The following NCALD variants were observed in gnomAD, a reference collection of about 807,000 sequenced individuals.
NCALD encodes the protein neurocalcin delta.
In NCALD, 10 loss-of-function variants were observed where a neutral mutation model predicts 18.6. The ratio of observed to expected loss-of-function variants is 0.54; its 90% CI spans 0.33 to 0.91. NCALD has a LOEUF of 0.91. Among genes scored for constraint, NCALD ranks in the 40% least tolerant of loss-of-function variants. The probability of loss-of-function intolerance (pLI) is 0.03; values close to 1 mark genes in which losing one functional copy is unlikely to be tolerated. For synonymous variants in NCALD, 88 were observed against 87.4 expected (o/e 1.01, Z -0.04); for missense variants, 184 against 247.6 (o/e 0.74, Z 1.72).
At chr8:101,906,480 T>C (rs1817615931) in intron 3 of NCALD, among the ~76,000 whole-genome samples, 1 of 152,202 alleles carries the variant, frequency 6.6e-6, no homozygotes, top group Non-Finnish European at 1.5e-5. Context: ...GAAACGGCCA[T>C]GGTTGACACA....
At chr8:101,758,980 T>C (rs1416010967) in intron 1 of NCALD, among the ~76,000 whole-genome samples, 1 of 152,182 alleles carries the variant, frequency 6.6e-6, no homozygotes, top group Non-Finnish European at 1.5e-5. Context: ...ATAATAAGGA[T>C]GCTGAATCTC....
chr8:102,117,877 C>T (rs765196200), intron 1 of NCALD, among the ~76,000 whole-genome samples: 10 of 152,156 alleles, frequency 6.6e-5, no homozygotes, highest in Non-Finnish European at 8.8e-5. Context: ...TTGGGGAAAA[C>T]GTAACCTTCC....
intron 1 of NCALD, among the ~76,000 whole-genome samples, chr8:101,783,749 G>A (rs1029711565): frequency 4.6e-5 from 7 of 152,202 alleles, no homozygotes; most frequent in Non-Finnish European, 7.3e-5. Flanking sequence ...TCTTGCTAAG[G>A]CATGCAGTCT....
intron 2 of NCALD, among the ~76,000 whole-genome samples, chr8:101,977,041 G>GA (rs1820449193): frequency 6.6e-6 from 1 of 152,038 alleles, no homozygotes. Flanking sequence ...GATCTTTTCT[G>GA]AATCTTCTCC....
At chr8:101,817,770 G>C (rs893384162) in intron 4 of NCALD, among the ~76,000 whole-genome samples, 2 of 152,120 alleles carry the variant, frequency 1.3e-5, no homozygotes, top group Non-Finnish European at 2.9e-5. Flanking sequence ...CGTGAATGCA[G>C]CATTCTGAGG....
At chr8:101,907,348 C>T (rs1341996495) in intron 3 of NCALD, among the ~76,000 whole-genome samples, 2 of 152,088 alleles carry the variant, frequency 1.3e-5, no homozygotes, top group African/African-American at 4.8e-5. Context: ...TAGATCCACC[C>T]TATAAGCAGG....
chr8:101,978,129 T>A (rs751075395), intron 2 of NCALD, among the ~76,000 whole-genome samples: 4 of 151,480 alleles, frequency 2.6e-5, no homozygotes, highest in Non-Finnish European at 5.9e-5. Flanking sequence ...GAAGTGCATA[T>A]GCCTGCTTGT....
chr8:101,847,113 C>T (rs2131314634), intron 4 of NCALD: 1 of 152,488 alleles, frequency 6.6e-6, no homozygotes, highest in South Asian at 2.0e-4. Context: ...AATGTAAGTA[C>T]ATGTCACCAA....
chr8:102,098,766 A>T (rs1204370302), intron 1 of NCALD, among the ~76,000 whole-genome samples: 1 of 151,966 alleles, frequency 6.6e-6, no homozygotes, highest in African/African-American at 2.4e-5. Flanking sequence ...CCTCCCAAAC[A>T]CTTGGAATTT....
At chr8:101,858,347 T>A (rs575935586) in intron 4 of NCALD, among the ~76,000 whole-genome samples, 2 of 152,210 alleles carry the variant, frequency 1.3e-5, no homozygotes, top group South Asian at 4.2e-4. Context: ...GCTCAGGAAC[T>A]AGAGGCACCA....
intron 1 of NCALD, among the ~76,000 whole-genome samples, chr8:102,053,736 G>A (rs1416212734): frequency 1.3e-5 from 2 of 152,062 alleles, no homozygotes; most frequent in African/African-American, 2.4e-5. Flanking sequence ...CATTTTTTAT[G>A]TATTTTTACT....
rs549358344 is a variant in NCALD, at chr8:101,802,399, A to G, written c.-19-82751T>C. Among the ~76,000 whole-genome samples, 23 of 152,262 alleles carry G rather than the reference A, an allele frequency of 1.5e-4. No homozygotes were observed. The South Asian group carries it at 4.8e-3, about 32-fold the overall frequency. ...CTCTAAGAGTTCAAGTGAAAGGAAG[A>G]GTTGCATGTCTCTCACTTTAACTTA... On this transcript the variant is annotated intron_variant, in intron 4 of 6. Transcript: ENST00000311028.
intron 2 of NCALD, among the ~76,000 whole-genome samples, chr8:101,961,393 T>C (rs1819829499): frequency 6.6e-6 from 1 of 152,176 alleles, no homozygotes; most frequent in African/African-American, 2.4e-5. Context: ...AATCCTGCAA[T>C]GTAAATTTGA....
chr8:102,112,388 T>C (rs891437005), intron 1 of NCALD, among the ~76,000 whole-genome samples: 4 of 152,222 alleles, frequency 2.6e-5, no homozygotes, highest in Admixed American at 6.5e-5. Context: ...AGAAGGGATG[T>C]GCTTTTTCCA....
At chr8:101,807,751 G>A (rs1156374331) in intron 4 of NCALD, among the ~76,000 whole-genome samples, 2 of 152,122 alleles carry the variant, frequency 1.3e-5, no homozygotes, top group East Asian at 1.9e-4. Flanking sequence ...GGTAAAAATA[G>A]CACCCTTGCA....
At chr8:101,847,086 A>G (rs1019882992) in intron 4 of NCALD, among the ~76,000 whole-genome samples, 2 of 152,210 alleles carry the variant, frequency 1.3e-5, no homozygotes, top group African/African-American at 4.8e-5. Context: ...TCCCTGTGAC[A>G]CAGTTTTTAT....
chr8:102,062,436 G>A (rs1823877893), intron 1 of NCALD, among the ~76,000 whole-genome samples: 1 of 152,250 alleles, frequency 6.6e-6, no homozygotes, highest in Non-Finnish European at 1.5e-5. Flanking sequence ...TAAGGGCTGA[G>A]ACTTGGTCTT....
intron 3 of NCALD, among the ~76,000 whole-genome samples, chr8:101,899,016 C>T (rs1301670610): frequency 6.6e-6 from 1 of 152,032 alleles, no homozygotes; most frequent in Non-Finnish European, 1.5e-5. Context: ...AATCCACAAA[C>T]ACAAATCCAA....
intron 1 of NCALD, among the ~76,000 whole-genome samples, chr8:102,050,800 T>C (rs1218421835): frequency 2.8e-5 from 4 of 145,322 alleles, no homozygotes; most frequent in Non-Finnish European, 1.5e-5. Context: ...AATTTTTAAT[T>C]TAATTAATTT....
Sources: allele counts gnomAD v4.1 joint callset (sites outside exome capture counted in the v4.1 genomes callset), GRCh38; gene constraint gnomAD v4.1.1; transcripts MANE v1.5; gene names NCBI Gene and HGNC (gene_info 2026-07-23, HGNC 2026-07-21).